CEP128: variants seen among roughly 807,000 people sequenced by gnomAD.
CEP128 encodes centrosomal protein 128kDa.
A neutral mutation model predicts 156.7 loss-of-function variants in CEP128; 132 were observed. That is an observed-to-expected ratio of 0.84 (90% confidence interval 0.73 to 0.97). The LOEUF (loss-of-function observed/expected upper bound fraction) is 0.97. CEP128 is among the 50% of genes least tolerant of loss of function. CEP128 has a pLI of 0.00. For missense variants in CEP128, 1,252 were observed against 1,281.9 expected, an observed-to-expected ratio of 0.98 and a Z score of 0.36; for synonymous variants, 469 against 448.9, an observed-to-expected ratio of 1.04 and a Z score of -0.57.
At chr14:80,505,552 T>C (rs1947152338) in intron 23 of CEP128, among the ~76,000 whole-genome samples, 1 of 152,194 alleles carries the variant, frequency 6.6e-6, no homozygotes, top group Admixed American at 6.5e-5. Context: ...TAATTGGATG[T>C]TTTAAAATAC....
At chr14:80,670,399 T>TCTAC (rs1010877860) in intron 19 of CEP128, among the ~76,000 whole-genome samples, 2 of 152,182 alleles carry the variant, frequency 1.3e-5, no homozygotes, top group African/African-American at 2.4e-5. Context: ...TACTTGCCTA[T>TCTAC]CTACCTACCT....
chr14:80,606,374 G>A (rs904757868), intron 19 of CEP128, among the ~76,000 whole-genome samples: 1 of 152,096 alleles, frequency 6.6e-6, no homozygotes, highest in African/African-American at 2.4e-5. Context: ...AAAAAATATA[G>A]ATACCAAATT....
Position 80,913,811 on chromosome 14 carries a change from T to C in CEP128, c.234+511A>G, listed in dbSNP as rs1358802114. 3.9e-5 allele frequency among the ~76,000 whole-genome samples: 6 copies of C among 152,130 alleles called. No homozygotes were observed. In the South Asian group the frequency reaches 1.0e-3, roughly 26 times the overall value. ...AGGGTAAAAGATGAAAACCTATCTA[T>C]TGGGTACATTGTACACTATTTGGAT... On this transcript the variant is annotated intron_variant, in intron 4 of 24. Coordinates refer to ENST00000555265, the MANE Select transcript of CEP128 (RefSeq NM_152446.5).
intron 19 of CEP128, among the ~76,000 whole-genome samples, chr14:80,742,071 C>A (rs1489268115): frequency 6.6e-6 from 1 of 152,134 alleles, no homozygotes; most frequent in Non-Finnish European, 1.5e-5. Context: ...TATAAGTCCT[C>A]AACTTTAACA....
intron 13 of CEP128, among the ~76,000 whole-genome samples, chr14:80,808,871 C>A (rs1269691998): frequency 4.6e-5 from 7 of 152,114 alleles, no homozygotes; most frequent in Non-Finnish European, 8.8e-5. Flanking sequence ...AACATTCCTC[C>A]CCTATGAAAG....
intron 8 of CEP128, among the ~76,000 whole-genome samples, chr14:80,893,848 A>G (rs1889221965): frequency 6.6e-6 from 1 of 151,976 alleles, no homozygotes; most frequent in African/African-American, 2.4e-5. Flanking sequence ...GGGATTAAAG[A>G]GTCCAGAAAC....
At chr14:80,634,695 C>T (rs1237724450) in intron 19 of CEP128, among the ~76,000 whole-genome samples, 1 of 151,498 alleles carries the variant, frequency 6.6e-6, no homozygotes, top group Non-Finnish European at 1.5e-5. Flanking sequence ...CTGTGTTTTG[C>T]CCCCACTTTT....
intron 19 of CEP128, among the ~76,000 whole-genome samples, chr14:80,606,083 C>G (rs567698470): frequency 2.0e-5 from 3 of 151,762 alleles, no homozygotes; most frequent in Non-Finnish European, 4.4e-5. Flanking sequence ...GATAATCTCA[C>G]GGGTCATTGC....
At chr14:80,900,419 C>T (rs971327208) in intron 6 of CEP128, among the ~76,000 whole-genome samples, 1 of 152,214 alleles carries the variant, frequency 6.6e-6, no homozygotes, top group Non-Finnish European at 1.5e-5. Flanking sequence ...TATATGGTCT[C>T]TGTCACAGTT....
At chr14:80,659,100 T>G (rs1429115597) in intron 19 of CEP128, among the ~76,000 whole-genome samples, 1 of 152,196 alleles carries the variant, frequency 6.6e-6, no homozygotes, top group African/African-American at 2.4e-5. Flanking sequence ...ACAAAGTTAT[T>G]GAAAAATCTA....
chr14:80,540,935 T>C (rs1889727879), intron 21 of CEP128, among the ~76,000 whole-genome samples: 2 of 152,214 alleles, frequency 1.3e-5, no homozygotes, highest in African/African-American at 4.8e-5. Context: ...CCCAAGAGCA[T>C]GCATTTTGGC....
intron 24 of CEP128, among the ~76,000 whole-genome samples, chr14:80,497,868 C>T (rs1256204042): frequency 1.3e-5 from 2 of 152,196 alleles, no homozygotes; most frequent in African/African-American, 2.4e-5. Flanking sequence ...CCGGTGTGCA[C>T]GTGCACACGC....
At chr14:80,920,352 C>T (rs1884790865) in intron 2 of CEP128, among the ~76,000 whole-genome samples, 1 of 152,170 alleles carries the variant, frequency 6.6e-6, no homozygotes, top group Non-Finnish European at 1.5e-5. Context: ...TGGCAAGAGG[C>T]TCACACCACA....
At chr14:80,781,619 T>G (rs1160894872) in intron 15 of CEP128, among the ~76,000 whole-genome samples, 1 of 151,030 alleles carries the variant, frequency 6.6e-6, no homozygotes, top group Non-Finnish European at 1.5e-5. Context: ...GGAAAGGAAA[T>G]CAGAGAGTAT....
At chr14:80,708,260 A>C (rs907409825) in intron 19 of CEP128, among the ~76,000 whole-genome samples, 3 of 152,196 alleles carry the variant, frequency 2.0e-5, no homozygotes, top group African/African-American at 7.2e-5. Flanking sequence ...GAGTCAAAAA[A>C]TGCTTATGAA....
At position 80,526,945 on chromosome 14, in the gene CEP128, T is replaced by A; in HGVS notation, c.2996A>T (p.Tyr999Phe). The A allele has an allele frequency of 6.2e-7, 1 of 1,606,408 alleles. No individual in the cohort carries two copies. Among genetic ancestry groups the A allele is most frequent in the Non-Finnish European group, 8.5e-7 (1 of 1,176,994 alleles). ...ATTTCTGCGAACCCTGTATTTGGAA[T>A]ATCTTCCATCAGTTCTCTCAGATGA... ...CSSSERTDGRYSKYRVRRNSL... is the reference protein window; with the variant it reads ...CSSSERTDGRFSKYRVRRNSL... The change falls in exon 23 of 25, where the codon TAT (tyrosine) becomes TTT (phenylalanine). Residue 999 changes from tyrosine (Y) to phenylalanine (F), a missense_variant. Transcript: ENST00000555265.
intron 20 of CEP128, among the ~76,000 whole-genome samples, chr14:80,573,342 T>G (rs1891227022): frequency 6.6e-6 from 1 of 151,758 alleles, no homozygotes; most frequent in South Asian, 2.1e-4. Context: ...GATGTGTGTG[T>G]TTTTAGAAGC....
At chr14:80,586,127 G>A (rs1891812152) in intron 19 of CEP128, among the ~76,000 whole-genome samples, 1 of 151,400 alleles carries the variant, frequency 6.6e-6, no homozygotes, top group South Asian at 2.1e-4. Flanking sequence ...TTTTCCTAAA[G>A]AAGTACAATT....
At chr14:80,614,722 G>A (rs7159335) in intron 19 of CEP128, among the ~76,000 whole-genome samples, 11,867 of 152,016 alleles carry the variant, frequency 0.078, 543 homozygotes, top group African/African-American at 0.12. Flanking sequence ...GTCAAATATC[G>A]TGTTATCTCC....
Sources: gnomAD v4.1 joint callset for allele counts (sites outside exome capture counted in the v4.1 genomes callset) on GRCh38, gnomAD v4.1.1 for gene constraint, MANE v1.5 for transcripts, NCBI Gene and HGNC (gene_info 2026-07-23, HGNC 2026-07-21) for gene names.